Variants in URM1 observed in about 807,000 individuals in gnomAD.
URM1 encodes ubiquitin related modifier 1.
Under a neutral mutation model 17.7 loss-of-function variants are expected in URM1, and 11 were observed. That is an observed-to-expected ratio of 0.62 (90% CI 0.39 to 1.03). The LOEUF is 1.03. URM1 is among the 50% of genes least tolerant of loss of function. URM1 has a pLI of 0.00. For missense variants in URM1, 128 were observed against 129.2 expected (o/e 0.99, Z 0.04); for synonymous variants, 48 against 50.6 (o/e 0.95, Z 0.22).
intron 2 of URM1, among the ~76,000 whole-genome samples, chr9:128,380,180 T>C (rs758349191): frequency 3.4e-4 from 52 of 152,294 alleles, no homozygotes; most frequent in Middle Eastern, 6.8e-3. Flanking sequence ...AAGTGAGATT[T>C]GGCAGGATTC....
intron 1 of URM1, among the ~76,000 whole-genome samples, chr9:128,373,770 G>C (rs186513965): frequency 9.2e-5 from 14 of 152,332 alleles, no homozygotes; most frequent in African/African-American, 3.4e-4. Flanking sequence ...TGTCATTGAG[G>C]TCAGAGAAGA....
intron 2 of URM1, among the ~76,000 whole-genome samples, chr9:128,383,344 C>T (rs1234708889): frequency 6.6e-6 from 1 of 152,130 alleles, no homozygotes; most frequent in Non-Finnish European, 1.5e-5. Flanking sequence ...TAAATGGCCC[C>T]TCTGATGTTC....
rs777223239 is a variant in URM1, at chr9:128,389,248, A to G, written c.189-13A>G. 16 of 1,589,052 alleles carry G rather than the reference A, an allele frequency of 1.0e-5. No individual in the cohort carries two copies. Among genetic ancestry groups the G allele is most frequent in the South Asian group, 2.3e-5 (2 of 86,658 alleles). On this transcript the variant is annotated splice_polypyrimidine_tract_variant and intron_variant, in intron 3 of 4. Coordinates refer to ENST00000372853, the MANE Select transcript of URM1 (RefSeq NM_030914.4). ...CTCTCACTCCTTGCTACTCACCACC[A>G]TCTTTCCCACAGGCGGCCAGGAATT...
chr9:128,387,686 C>G lies in URM1; in HGVS notation c.107-130C>G. 6.9e-7 allele frequency: 1 copy of G among 1,445,722 alleles called. No individual in the cohort carries two copies. Among genetic ancestry groups the G allele is most frequent in the African/African-American group, 1.4e-5 (1 of 71,470 alleles). 89.6% of individuals were successfully genotyped at this position (1,445,722 alleles called of 1,614,324 possible). Reference sequence around the variant, plus strand: ...CCTTTGGAATCTACAAGTTCATGGGCTATCACAGCCTGGTCTAAAAGAAGC... The same window carrying G: ...CCTTTGGAATCTACAAGTTCATGGGGTATCACAGCCTGGTCTAAAAGAAGC... On this transcript the variant is annotated intron_variant, in intron 2 of 4. Coordinates refer to ENST00000372853, the MANE Select transcript of URM1 (RefSeq NM_030914.4). This position sits in a 1 kb window ranked among gnomAD's most constrained non-coding sequence, Gnocchi z 4.3.
At chr9:128,384,995 C>A (rs890425479) in intron 2 of URM1, among the ~76,000 whole-genome samples, 4 of 152,156 alleles carry the variant, frequency 2.6e-5, no homozygotes, top group African/African-American at 9.7e-5. Flanking sequence ...AGTGTTGAGT[C>A]AGAGACACAT....
rs774219751 is a variant in URM1, at chr9:128,389,646, T to A, written c.238-20T>A. 10 of 1,613,216 alleles carry A rather than the reference T, an allele frequency of 6.2e-6. No individual in the cohort carries two copies. The South Asian group carries it at 1.1e-4, about 18-fold the overall frequency. On this transcript the variant is annotated intron_variant, in intron 4 of 4. Coordinates refer to ENST00000372853, the MANE Select transcript of URM1 (RefSeq NM_030914.4). ...GAAGGTGGCCCTGAGGGTCTCCCGC[T>A]CCCCTCTCTCCCGCACCAGGGTGAG...
Position 128,391,412 on chromosome 9 carries a change from T to G in URM1, c.*1678T>G, listed in dbSNP as rs1833313415. The G allele has an allele frequency of 6.6e-6, 1 of 152,128 alleles. No individual in the cohort carries two copies. Among genetic ancestry groups the G allele is most frequent in the African/African-American group, 2.4e-5 (1 of 41,350 alleles). 9.4% of individuals were successfully genotyped at this position (152,128 alleles called of 1,614,324 possible). ...GACTATGGGGAGGAGCTGGTCTGGG[T>G]GCAAATTAAGGCCAGTGTTGGGGTC... On this transcript the variant is annotated 3_prime_UTR_variant, in exon 5 of 5. Coordinates refer to ENST00000372853, the MANE Select transcript of URM1 (RefSeq NM_030914.4).
At chr9:128,386,845 A>C (rs185014331) in intron 2 of URM1, among the ~76,000 whole-genome samples, 1 of 152,294 alleles carries the variant, frequency 6.6e-6, no homozygotes, top group African/African-American at 2.4e-5. Context: ...CTTAACCCCA[A>C]CCTGTCTGCT....
chr9:128,371,735 C>T (rs1001895090), intron 1 of URM1, among the ~76,000 whole-genome samples: 1 of 152,222 alleles, frequency 6.6e-6, no homozygotes, highest in Non-Finnish European at 1.5e-5. Flanking sequence ...TCGGACCAAT[C>T]CCATCTGTTT....
intron 2 of URM1, among the ~76,000 whole-genome samples, chr9:128,379,676 T>C (rs1226721788): frequency 6.6e-6 from 1 of 152,004 alleles, no homozygotes; most frequent in African/African-American, 2.4e-5. Context: ...GGCATGCGCC[T>C]GTAATCCCGG....
rs1403501895 is a variant in URM1 at position 128,390,877 on chromosome 9, C to T, written c.*1143C>T. 6.6e-6 allele frequency: 1 copy of T among 152,632 alleles called. No homozygotes were observed. Among genetic ancestry groups the T allele is most frequent in the Non-Finnish European group, 1.5e-5 (1 of 68,274 alleles). The allele number at this position is 152,632 out of a possible 1,614,324, so 9.5% of individuals were successfully genotyped here. A position where few individuals can be genotyped will look rare whatever the true frequency, so the allele number is the denominator to read the frequency against. ...AGAGGGGTGGGGGTGAACACTCAGA[C>T]AATCTGAGAGGGGGTAGTCTAATAG... On this transcript the variant is annotated 3_prime_UTR_variant, in exon 5 of 5. Transcript: ENST00000372853.
At chr9:128,378,947 C>CAA (rs397976946) in intron 2 of URM1, among the ~76,000 whole-genome samples, 1,504 of 86,776 alleles carry the variant, frequency 0.017, 38 homozygotes, top group African/African-American at 0.05. Context: ...ATTCTGTCAC[C>CAA]AAAAAAAAAA....
At chr9:128,389,430 C>G (rs1833274920) in intron 4 of URM1, 121 bp downstream of exon 4, 3 of 1,592,988 alleles carry the variant, frequency 1.9e-6, no homozygotes, top group Non-Finnish European at 2.6e-6. Context: ...CCACTCCAGC[C>G]CCACACTGAG....
At chr9:128,389,334 C>A in intron 4 of URM1, 25 bp downstream of exon 4, 6 of 1,613,906 alleles carry the variant, frequency 3.7e-6, no homozygotes, top group Non-Finnish European at 5.1e-6. Context: ...GGACATCCCT[C>A]CCCCAGCCCC....
rs935756221 is a variant in URM1 at position 128,387,754 on chromosome 9, T to C, written c.107-62T>C. The C allele has an allele frequency of 1.9e-6, 3 of 1,610,082 alleles. No homozygotes were observed. Among genetic ancestry groups the C allele is most frequent in the African/African-American group, 1.3e-5 (1 of 74,866 alleles). On this transcript the variant is annotated intron_variant, in intron 2 of 4. Transcript: ENST00000372853. This position sits in a 1 kb window ranked among gnomAD's most constrained non-coding sequence, Gnocchi z 4.3. Reference sequence around the variant, plus strand: ...TATTTCCTTGTGGGCCAGGCAAGGCTCTGGGGGTGGGCAGGTGCTATTTGG... The same window carrying C: ...TATTTCCTTGTGGGCCAGGCAAGGCCCTGGGGGTGGGCAGGTGCTATTTGG...
intron 1 of URM1, 59 bp downstream of exon 1, chr9:128,371,474 C>T: frequency 1.3e-6 from 2 of 1,575,806 alleles, no homozygotes; most frequent in Non-Finnish European, 1.7e-6. Context: ...CCCAGAATTC[C>T]TTTCCTTCTG....
intron 2 of URM1, among the ~76,000 whole-genome samples, chr9:128,385,794 CAGG>C (rs1211602000): frequency 2.0e-5 from 3 of 151,918 alleles, no homozygotes; most frequent in Admixed American, 6.6e-5. Context: ...CCCCCAAATC[CAGG>C]CATGGGGGAA....
chr9:128,384,859 C>T (rs1026125221), intron 2 of URM1, among the ~76,000 whole-genome samples: 3 of 152,170 alleles, frequency 2.0e-5, no homozygotes, highest in African/African-American at 7.2e-5. Flanking sequence ...AAAACCAGGC[C>T]TGTCTGACTC....
Position 128,378,052 on chromosome 9 carries a change from C to A in URM1, c.52C>A (p.Leu18Met). The A allele has an allele frequency of 1.2e-6, 2 of 1,612,100 alleles. No homozygotes were observed. Among genetic ancestry groups the A allele is most frequent in the Non-Finnish European group, 1.7e-6 (2 of 1,179,098 alleles). Residue 18 changes from leucine to methionine, a missense_variant, in exon 2 of 5, where the codon CTG (leucine) becomes ATG (methionine). Coordinates refer to ENST00000372853, the MANE Select transcript of URM1 (RefSeq NM_030914.4). ...CCTTTGCAGAGGTGGTGCGGAGCTC[C>A]TGTTTGACGGTATTAAGAAACATCG... ...EVEFGGGAEL[L>M]FDGIKKHRVT... is the part of the protein sequence containing the mutation.
Sources: allele counts gnomAD v4.1 joint callset (sites outside exome capture counted in the v4.1 genomes callset), GRCh38; gene constraint gnomAD v4.1.1; non-coding constraint Gnocchi (gnomAD v3.1); transcripts MANE v1.5; gene names NCBI Gene and HGNC (gene_info 2026-07-23, HGNC 2026-07-21).